Variants in CACNA1E observed in about 807,000 individuals in gnomAD.
CACNA1E encodes calcium voltage-gated channel subunit alpha1 E.
A neutral mutation model predicts 259.2 loss-of-function variants in CACNA1E; 40 were observed. The observed-to-expected ratio is 0.15, with a 90% CI of 0.12 to 0.20. The LOEUF is 0.20. CACNA1E is among the 10% of genes least tolerant of loss of function. The pLI, the probability that CACNA1E is intolerant of heterozygous loss-of-function variation, is 1.00. For synonymous variants in CACNA1E, 1,104 were observed against 1,138.5 expected (o/e 0.97, Z 0.61); for missense variants, 1,874 against 3,040.1 (o/e 0.62, Z 9.02).
Position 181,494,708 on chromosome 1 carries a change from A to G in CACNA1E, c.266+10698A>G, listed in dbSNP as rs58614493. Among the ~76,000 whole-genome samples, 273 of 152,374 alleles carry G rather than the reference A, an allele frequency of 1.8e-3. 2 individuals carry two copies. The highest frequency in any genetic ancestry group is 6.3e-3 in the African/African-American group (263 of 41,588). On this transcript the variant is annotated intron_variant, in intron 1 of 47. Transcript: ENST00000367573. ...GAGCTTGAACAAGTGGTCCGAATCC[A>G]AAGTTTAAGTGATTTCTACACCGCA...
intron 1 of CACNA1E, among the ~76,000 whole-genome samples, chr1:181,497,510 A>T (rs150730532): frequency 6.6e-6 from 1 of 152,170 alleles, no homozygotes; most frequent in Non-Finnish European, 1.5e-5. Context: ...CTGAGAATGG[A>T]TGGAGGAAAC....
In CACNA1E at chr1:181,487,289, A is replaced by C. The variant is rs75054021; in HGVS notation, c.266+3279A>C. ...CATGTTTGTCTGAAAAGATTGGTTA[A>C]GTAAAAGGAATGGTTTAATTTATGC... On this transcript the variant is annotated intron_variant, in intron 1 of 47. Coordinates refer to ENST00000367573, the MANE Select transcript of CACNA1E (RefSeq NM_001205293.3). Among the ~76,000 whole-genome samples the C allele has an allele frequency of 3.9e-3, 597 of 152,312 alleles. 5 individuals are homozygous for C. Among genetic ancestry groups the C allele is most frequent in the African/African-American group, 0.014 (579 of 41,558 alleles).
rs1331567832 is a variant in CACNA1E, at chr1:181,802,486, C to G, written c.*3652C>G. On this transcript the variant is annotated 3_prime_UTR_variant, in exon 48 of 48. Coordinates refer to ENST00000367573, the MANE Select transcript of CACNA1E (RefSeq NM_001205293.3). ...ATGAGGGTCGTCTTCCCTCTGTTCT[C>G]CCATCCCAGCCTCTGTTTTGCTGCA... The G allele has an allele frequency of 6.6e-6, 1 of 152,222 alleles. No individual in the cohort carries two copies. The highest frequency in any genetic ancestry group is 1.5e-5 in the Non-Finnish European group (1 of 68,064). 9.4% of individuals were successfully genotyped at this position (152,222 alleles called of 1,614,324 possible). A position where few individuals can be genotyped will look rare whatever the true frequency, so the allele number is the denominator to read the frequency against.
At chr1:181,621,540 A>G (rs1010798841) in intron 6 of CACNA1E, among the ~76,000 whole-genome samples, 2 of 152,212 alleles carry the variant, frequency 1.3e-5, no homozygotes, top group Non-Finnish European at 2.9e-5. Context: ...AAAAAATTCA[A>G]CAGTAATAAT....
At chr1:181,475,779 G>A (rs527686550) in intron 2 of CACNA1E, among the ~76,000 whole-genome samples, 6 of 152,224 alleles carry the variant, frequency 3.9e-5, no homozygotes, top group Admixed American at 2.0e-4. Flanking sequence ...TTACAATGAC[G>A]TCACTTTTAC....
At chr1:181,496,034 C>G (rs1328031501) in intron 1 of CACNA1E, among the ~76,000 whole-genome samples, 1 of 152,158 alleles carries the variant, frequency 6.6e-6, no homozygotes, top group Non-Finnish European at 1.5e-5. Flanking sequence ...AGCTGGAGGC[C>G]TGGATCAGAA....
At chr1:181,336,335 G>A (rs1651705581) in intron 1 of CACNA1E, among the ~76,000 whole-genome samples, 2 of 152,148 alleles carry the variant, frequency 1.3e-5, no homozygotes, top group African/African-American at 4.8e-5. Context: ...AATGTGGTAG[G>A]CACTACTCTA....
intron 1 of CACNA1E, among the ~76,000 whole-genome samples, chr1:181,375,236 C>G (rs1655018899): frequency 6.6e-6 from 1 of 152,138 alleles, no homozygotes; most frequent in Admixed American, 6.5e-5. Context: ...CTTAGTGATG[C>G]ATTAGACAAA....
chr1:181,324,300 A>C (rs925031577), intron 1 of CACNA1E, among the ~76,000 whole-genome samples: 28 of 152,244 alleles, frequency 1.8e-4, no homozygotes, highest in African/African-American at 6.3e-4. Flanking sequence ...GAATTAATAG[A>C]GGGTGATGTG....
intron 47 of CACNA1E, among the ~76,000 whole-genome samples, chr1:181,797,603 A>C (rs1661925606): frequency 6.6e-6 from 1 of 152,186 alleles, no homozygotes; most frequent in Non-Finnish European, 1.5e-5. Context: ...CTGGTGCCTG[A>C]AGGACCCAGG....
intron 1 of CACNA1E, among the ~76,000 whole-genome samples, chr1:181,508,603 G>T (rs1224643617): frequency 6.6e-6 from 1 of 152,206 alleles, no homozygotes; most frequent in Non-Finnish European, 1.5e-5. Context: ...TTTTTTCAGA[G>T]GTCTGGGTTA....
At chr1:181,793,634 C>T in intron 44 of CACNA1E, 31 bp from the exon 45 acceptor site, 7 of 1,601,032 alleles carry the variant, frequency 4.4e-6, no homozygotes, top group Non-Finnish European at 6.0e-6. Context: ...GGAACCAAGT[C>T]CCACAAGCTT....
At chr1:181,390,492 G>A (rs1656183302) in intron 1 of CACNA1E, among the ~76,000 whole-genome samples, 1 of 152,076 alleles carries the variant, frequency 6.6e-6, no homozygotes. Flanking sequence ...ATCATGGGCT[G>A]GACAGAGAAG....
At chr1:181,450,626 G>A (rs542606966) in intron 2 of CACNA1E, among the ~76,000 whole-genome samples, 24 of 152,260 alleles carry the variant, frequency 1.6e-4, no homozygotes, top group African/African-American at 5.8e-4. Flanking sequence ...GGAGGTATGG[G>A]GAGAGATTAG....
At chr1:181,482,071 CAG>C (rs1442410604), upstream of CACNA1E, among the ~76,000 whole-genome samples, 1 of 152,242 alleles carries the variant, frequency 6.6e-6, no homozygotes, top group Non-Finnish European at 1.5e-5. Context: ...GCACCACCAG[CAG>C]AGTGTGGAAC....
rs1446958356 is a variant in CACNA1E, at chr1:181,776,281, G to A, written c.5267+53G>A. 6 of 1,593,496 alleles carry A rather than the reference G, an allele frequency of 3.8e-6. No individual in the cohort carries two copies. Among genetic ancestry groups the A allele is most frequent in the Admixed American group, 1.7e-5 (1 of 59,874 alleles). ...GGGGCCCAGAGCAAAGGTCTCTGGA[G>A]TTCCCAGGGAAGAGGCTGGAATTGG... On this transcript the variant is annotated intron_variant, in intron 38 of 47. Coordinates refer to ENST00000367573, the MANE Select transcript of CACNA1E (RefSeq NM_001205293.3). This position sits in a 1 kb window ranked among gnomAD's most constrained non-coding sequence, Gnocchi z 4.4.
In CACNA1E at chr1:181,800,729, A is replaced by G. The variant is rs527407887; in HGVS notation, c.*1895A>G. On this transcript the variant is annotated 3_prime_UTR_variant, in exon 48 of 48. Coordinates refer to ENST00000367573, the MANE Select transcript of CACNA1E (RefSeq NM_001205293.3). ...CTTAGAAGGAGCCTCTTTTCCCTCTATTTTTTAAATTGAAATATAATAGCT... is the reference window on the plus strand; with the variant it reads ...CTTAGAAGGAGCCTCTTTTCCCTCTGTTTTTTAAATTGAAATATAATAGCT... The G allele has an allele frequency of 3.9e-5, 6 of 152,690 alleles. No homozygotes were observed. The highest frequency in any genetic ancestry group is 4.2e-4 in the South Asian group (2 of 4,812). 9.5% of individuals were successfully genotyped at this position (152,690 alleles called of 1,614,324 possible). A position where few individuals can be genotyped will look rare whatever the true frequency, so the allele number is the denominator to read the frequency against.
At chr1:181,685,704 A>G (rs1650463054) in intron 7 of CACNA1E, among the ~76,000 whole-genome samples, 2 of 152,196 alleles carry the variant, frequency 1.3e-5, no homozygotes, top group Non-Finnish European at 2.9e-5. Context: ...TGGTGGGGAA[A>G]GCACAAACAG....
At position 181,776,366 on chromosome 1, in the gene CACNA1E, T is replaced by C. The variant is rs766099805; in HGVS notation, c.5267+138T>C. 5 of 831,418 alleles carry C rather than the reference T, an allele frequency of 6.0e-6. No homozygotes were observed. The highest frequency in any genetic ancestry group is 1.7e-5 in the African/African-American group (1 of 59,178). 51.5% of individuals were successfully genotyped at this position (831,418 alleles called of 1,614,324 possible). A position where few individuals can be genotyped will look rare whatever the true frequency, so the allele number is the denominator to read the frequency against. The stretch of plus-strand genomic sequence containing the variant: ...GGAGATTCCTCTTGATTGTGGCCCA[T>C]AGAAGAGGCTCTGGTATCAAGCCAG... On this transcript the variant is annotated intron_variant, in intron 38 of 47. Transcript: ENST00000367573. This position sits in a 1 kb window ranked among gnomAD's most constrained non-coding sequence, Gnocchi z 4.4.
Sources: allele counts gnomAD v4.1 joint callset (sites outside exome capture counted in the v4.1 genomes callset), GRCh38; gene constraint gnomAD v4.1.1; non-coding constraint Gnocchi (gnomAD v3.1); transcripts MANE v1.5; gene names NCBI Gene and HGNC (gene_info 2026-07-23, HGNC 2026-07-21).